PDGFC: variants seen among roughly 807,000 people sequenced by gnomAD.
The protein encoded by PDGFC is platelet-derived growth factor C.
Under a neutral mutation model 35.5 loss-of-function variants are expected in PDGFC, and 12 were observed. That is an observed-to-expected ratio of 0.34 (90% CI 0.22 to 0.55). The LOEUF is 0.55. Ranked by LOEUF, PDGFC falls within the 20% of genes least tolerant of loss-of-function variation. The pLI is 0.91. For missense variants in PDGFC, 322 were observed against 412.4 expected (o/e 0.78, Z 1.90); for synonymous variants, 159 against 148.8 (o/e 1.07, Z -0.50).
intron 1 of PDGFC, among the ~76,000 whole-genome samples, chr4:156,887,690 T>C (rs777444813): frequency 1.3e-5 from 2 of 152,154 alleles, no homozygotes; most frequent in South Asian, 2.1e-4. Context: ...CTAATAGATA[T>C]CTCCCTTACA....
intron 1 of PDGFC, among the ~76,000 whole-genome samples, chr4:156,961,597 A>G (rs1732344876): frequency 1.3e-5 from 2 of 152,184 alleles, no homozygotes; most frequent in Admixed American, 6.5e-5. Context: ...TCCAGCATTT[A>G]TATACACGGG....
chr4:156,778,235 G>C (rs1464204919), intron 3 of PDGFC: 1 of 368,914 alleles, frequency 2.7e-6, no homozygotes, highest in Admixed American at 2.6e-5. Context: ...CATCATAGAA[G>C]AGAGTTTTCT....
chr4:156,960,509 A>G (rs1175371124), intron 1 of PDGFC, among the ~76,000 whole-genome samples: 1 of 151,332 alleles, frequency 6.6e-6, no homozygotes, highest in Non-Finnish European at 1.5e-5. Context: ...TTTCATTTAT[A>G]GCTCCAGAAA....
intron 1 of PDGFC, among the ~76,000 whole-genome samples, chr4:156,909,787 G>C (rs1730997352): frequency 6.6e-6 from 1 of 152,048 alleles, no homozygotes; most frequent in Non-Finnish European, 1.5e-5. Context: ...CCTTGAACCT[G>C]TGAAAATGAA....
intron 3 of PDGFC, among the ~76,000 whole-genome samples, chr4:156,798,015 C>A (rs1036149285): frequency 1.3e-5 from 2 of 152,074 alleles, no homozygotes; most frequent in African/African-American, 4.8e-5. Context: ...CATGGTAAAA[C>A]CCTGTCTCTA....
intron 3 of PDGFC, among the ~76,000 whole-genome samples, chr4:156,804,951 T>C (rs1731719831): frequency 6.6e-6 from 1 of 152,044 alleles, no homozygotes; most frequent in Admixed American, 6.6e-5. Context: ...CAATAATCTG[T>C]CTGCCATTTA....
In PDGFC at chr4:156,971,445, A is replaced by C; in HGVS notation, c.-542T>G. On this transcript the variant is annotated 5_prime_UTR_variant, in exon 1 of 6. Transcript: ENST00000502773. The stretch of plus-strand genomic sequence containing the variant: ...ACCCCCGAAGGGGGAGGGGGAAGAA[A>C]CAAGGCGAGGGCGCCGCGGCGGGTC... 6 of 231,212 alleles carry C rather than the reference A, an allele frequency of 2.6e-5. No homozygotes were observed. Among genetic ancestry groups the C allele is most frequent in the East Asian group, 7.1e-5 (1 of 14,068 alleles). 14.3% of individuals were successfully genotyped at this position (231,212 alleles called of 1,614,324 possible).
chr4:156,776,707 A>G lies in PDGFC; in HGVS notation c.496-3814T>C, dbSNP rs17035228. ...GGATCCTATGCAAAATCGGGTCTTTAAAATTCTCTGATGAAAGTTACTCTG... is the reference window on the plus strand; with the variant it reads ...GGATCCTATGCAAAATCGGGTCTTTGAAATTCTCTGATGAAAGTTACTCTG... On this transcript the variant is annotated intron_variant, in intron 3 of 5. Coordinates refer to ENST00000502773, the MANE Select transcript of PDGFC (RefSeq NM_016205.3). Among the ~76,000 whole-genome samples the G allele has an allele frequency of 4.3e-3, 653 of 152,340 alleles. 7 individuals carry two copies. Among genetic ancestry groups the G allele is most frequent in the African/African-American group, 0.015 (620 of 41,594 alleles).
At chr4:156,798,245 GA>G (rs1302990397) in intron 3 of PDGFC, among the ~76,000 whole-genome samples, 2 of 152,110 alleles carry the variant, frequency 1.3e-5, no homozygotes, top group Non-Finnish European at 2.9e-5. Flanking sequence ...AAACCTTAAA[GA>G]GGCAGCTTTA....
At chr4:156,873,589 C>T (rs1730037510) in intron 1 of PDGFC, among the ~76,000 whole-genome samples, 1 of 152,124 alleles carries the variant, frequency 6.6e-6, no homozygotes, top group Non-Finnish European at 1.5e-5. Context: ...GAAAAAATTC[C>T]TTGCCCAATG....
intron 2 of PDGFC, among the ~76,000 whole-genome samples, chr4:156,836,983 C>T (rs1729078156): frequency 6.6e-6 from 1 of 152,106 alleles, no homozygotes; most frequent in South Asian, 2.1e-4. Context: ...GAGGCTGTTC[C>T]ATAAAGACAG....
At chr4:156,871,652 A>T (rs977971166) in intron 1 of PDGFC, among the ~76,000 whole-genome samples, 1 of 152,140 alleles carries the variant, frequency 6.6e-6, no homozygotes, top group Admixed American at 6.6e-5. Context: ...CACACCTGGG[A>T]ATATAATTTA....
chr4:156,764,565 A>T lies in PDGFC; in HGVS notation c.922-1359T>A, dbSNP rs75371258. Among the ~76,000 whole-genome samples the T allele has an allele frequency of 4.5e-4, 69 of 152,280 alleles. No individual in the cohort carries two copies. In the East Asian group the frequency reaches 0.013, roughly 28 times the overall value. ...CACTGCTCATACATTCTATTTATTT[A>T]GTAACTTTCTTCCTGAAGAGATAAA... On this transcript the variant is annotated intron_variant, in intron 5 of 5. Coordinates refer to ENST00000502773, the MANE Select transcript of PDGFC (RefSeq NM_016205.3).
rs1731816050 is a variant in PDGFC, at chr4:156,807,924, A to G, written c.495+2913T>C. ...TAACTGTATATACTAATGTTTATAA[A>G]ATCATTAGTATGCACTCAATTCTTT... On this transcript the variant is annotated intron_variant, in intron 3 of 5. Coordinates refer to ENST00000502773, the MANE Select transcript of PDGFC (RefSeq NM_016205.3). Among the ~76,000 whole-genome samples the G allele has an allele frequency of 3.3e-5, 5 of 152,198 alleles. No individual in the cohort carries two copies. The South Asian group carries it at 1.0e-3, about 31-fold the overall frequency.
chr4:156,770,747 T>A (rs2110809426), intron 4 of PDGFC: 1 of 152,238 alleles, frequency 6.6e-6, no homozygotes, highest in South Asian at 2.1e-4. Flanking sequence ...GTCATTAATA[T>A]TATACGTTTT....
At chr4:156,837,050 A>G (rs1729079706) in intron 2 of PDGFC, among the ~76,000 whole-genome samples, 1 of 152,188 alleles carries the variant, frequency 6.6e-6, no homozygotes, top group Non-Finnish European at 1.5e-5. Context: ...AGGTCAGGTG[A>G]ATTTCAGAAA....
intron 1 of PDGFC, among the ~76,000 whole-genome samples, chr4:156,921,236 C>T (rs759398530): frequency 2.6e-4 from 39 of 152,150 alleles, no homozygotes; most frequent in South Asian, 1.5e-3. Context: ...CTGCCGCATG[C>T]GTGAAATAAC....
chr4:156,883,614 AC>A (rs1730307212), intron 1 of PDGFC, among the ~76,000 whole-genome samples: 1 of 152,210 alleles, frequency 6.6e-6, no homozygotes, highest in African/African-American at 2.4e-5. Flanking sequence ...TAACTAGAAT[AC>A]CGCCAGTGAC....
chr4:156,839,847 G>C (rs1001285510), intron 2 of PDGFC, among the ~76,000 whole-genome samples: 1 of 152,162 alleles, frequency 6.6e-6, no homozygotes, highest in African/African-American at 2.4e-5. Context: ...TAAGGAACTT[G>C]TTGGGAACTG....
Sources: allele counts gnomAD v4.1 joint callset (sites outside exome capture counted in the v4.1 genomes callset), GRCh38; gene constraint gnomAD v4.1.1; transcripts MANE v1.5; gene names NCBI Gene and HGNC (gene_info 2026-07-23, HGNC 2026-07-21).